Variants in BMPR1A observed in about 807,000 individuals in gnomAD.
BMPR1A encodes the protein bone morphogenetic protein receptor type 1A, also known as bone morphogenetic protein receptor type-1A.
A neutral mutation model predicts 66.0 loss-of-function variants in BMPR1A; 7 were observed. The observed-to-expected ratio is 0.11, with a 90% CI of 0.06 to 0.20. BMPR1A has a LOEUF of 0.20. Among genes scored for constraint, BMPR1A ranks in the 10% least tolerant of loss-of-function variants. The pLI is 1.00. For synonymous variants in BMPR1A, 200 were observed against 229.7 expected (o/e 0.87, Z 1.17); for missense variants, 408 against 669.1 (o/e 0.61, Z 4.31).
At position 86,918,530 on chromosome 10, in the gene BMPR1A, T is replaced by C. The variant is rs138880470; in HGVS notation, c.869-642T>C. On this transcript the variant is annotated intron_variant, in intron 9 of 12. Transcript: ENST00000372037. ...AAAGTGTCCACTTTTTGCTTTGAAA[T>C]TGAGAGCCTTTTCTACTAGAGAATC... Among the ~76,000 whole-genome samples the C allele has an allele frequency of 3.1e-3, 471 of 152,366 alleles. 4 individuals carry two copies. The highest frequency in any genetic ancestry group is 0.011 in the African/African-American group (437 of 41,586).
At chr10:86,824,552 G>A (rs529496304) in intron 1 of BMPR1A, among the ~76,000 whole-genome samples, 72 of 152,258 alleles carry the variant, frequency 4.7e-4, no homozygotes, top group African/African-American at 1.6e-3. Context: ...TGGCCTTTTG[G>A]AGGAAATATT....
intron 1 of BMPR1A, among the ~76,000 whole-genome samples, chr10:86,771,609 T>G (rs1841262982): frequency 1.3e-5 from 2 of 152,192 alleles, no homozygotes. Context: ...CTTAACCACA[T>G]AATTATATTG....
At chr10:86,888,111 G>A (rs923514493) in intron 3 of BMPR1A, among the ~76,000 whole-genome samples, 14 of 151,872 alleles carry the variant, frequency 9.2e-5, no homozygotes, top group Non-Finnish European at 2.1e-4. Context: ...TGGGGGGCGC[G>A]GGGATGAGTA....
At chr10:86,864,024 T>C (rs1333334104) in intron 2 of BMPR1A, among the ~76,000 whole-genome samples, 1 of 152,222 alleles carries the variant, frequency 6.6e-6, no homozygotes, top group African/African-American at 2.4e-5. Flanking sequence ...TCTTAGAGAT[T>C]TAATAGTGTT....
intron 1 of BMPR1A, among the ~76,000 whole-genome samples, chr10:86,798,018 T>A (rs1452488759): frequency 2.6e-5 from 4 of 152,196 alleles, no homozygotes. Flanking sequence ...TGTTCAAAAC[T>A]TTGTCTATTT....
At chr10:86,775,351 A>G (rs1359110834) in intron 1 of BMPR1A, among the ~76,000 whole-genome samples, 2 of 152,158 alleles carry the variant, frequency 1.3e-5, no homozygotes, top group African/African-American at 2.4e-5. Context: ...CTTGTCCCAG[A>G]CATGCTTTGA....
At chr10:86,767,225 G>A (rs966653529) in intron 1 of BMPR1A, among the ~76,000 whole-genome samples, 1 of 152,112 alleles carries the variant, frequency 6.6e-6, no homozygotes, top group African/African-American at 2.4e-5. Flanking sequence ...AAAATTTTAA[G>A]TTTCATTTGT....
rs1060504910 is a variant in BMPR1A at position 86,917,202 on chromosome 10, A to G, written c.744A>G (p.Val248=). ...TTGGTAAAGGCCGATATGGAGAAGT[A>G]TGGATGGGCAAATGGCGTGGCGAAA... ...RQVGKGRYGE[V]WMGKWRGEKV... The change falls in exon 9 of 13, where the codon GTA becomes GTG. Residue 248 remains valine, a synonymous_variant. Transcript: ENST00000372037. The G allele has an allele frequency of 1.2e-6, 2 of 1,614,130 alleles. No individual in the cohort carries two copies. Among genetic ancestry groups the G allele is most frequent in the Non-Finnish European group, 1.7e-6 (2 of 1,179,990 alleles).
intron 1 of BMPR1A, among the ~76,000 whole-genome samples, chr10:86,811,897 TAGTG>T (rs1197170404): frequency 7.2e-5 from 11 of 152,072 alleles, no homozygotes; most frequent in African/African-American, 9.6e-5. Flanking sequence ...CTGGTCAACA[TAGTG>T]AGACATCATT....
At chr10:86,837,247 C>CTGTGTCTGTGTGTGTCTGTGTG (rs1554883382) in intron 1 of BMPR1A, among the ~76,000 whole-genome samples, 2 of 138,106 alleles carry the variant, frequency 1.4e-5, no homozygotes, top group African/African-American at 5.5e-5. Context: ...GTGTGTGTGT[C>CTGTGTCTGTGTGTGTCTGTGTG]TGTGTGTGTG....
rs1169261382 is a variant in BMPR1A at position 86,924,538 on chromosome 10, G to A, written c.*819G>A. On this transcript the variant is annotated 3_prime_UTR_variant, in exon 13 of 13. Coordinates refer to ENST00000372037, the MANE Select transcript of BMPR1A (RefSeq NM_004329.3). ...CATTTTTTTTGTGGTTATTATTTTT[G>A]TCACGGAAAGCATCCTCTCCAAAGT... is the stretch of plus-strand genomic sequence containing the variant. 1 of 233,426 alleles carries A rather than the reference G, an allele frequency of 4.3e-6. No individual in the cohort carries two copies. Among genetic ancestry groups the A allele is most frequent in the Non-Finnish European group, 8.5e-6 (1 of 118,064 alleles). 14.5% of individuals were successfully genotyped at this position (233,426 alleles called of 1,614,324 possible).
intron 1 of BMPR1A, among the ~76,000 whole-genome samples, chr10:86,791,651 C>T (rs979234428): frequency 7.0e-6 from 1 of 142,864 alleles, no homozygotes; most frequent in African/African-American, 2.5e-5. Context: ...AAGAGACGTA[C>T]ATTTCCAGTA....
intron 1 of BMPR1A, among the ~76,000 whole-genome samples, chr10:86,810,981 A>G (rs1391791036): frequency 6.6e-6 from 1 of 152,174 alleles, no homozygotes; most frequent in Admixed American, 6.5e-5. Context: ...TCCTGATCTC[A>G]GGTGATCCAC....
At chr10:86,771,192 TGGA>T (rs1193526939) in intron 1 of BMPR1A, among the ~76,000 whole-genome samples, 1 of 152,252 alleles carries the variant, frequency 6.6e-6, no homozygotes, top group Non-Finnish European at 1.5e-5. Context: ...ATGGAATTGT[TGGA>T]GTTTATCAAA....
chr10:86,818,543 G>C (rs1373183725), intron 1 of BMPR1A, among the ~76,000 whole-genome samples: 1 of 152,186 alleles, frequency 6.6e-6, no homozygotes, highest in Non-Finnish European at 1.5e-5. Context: ...TGAATGGAAA[G>C]AAACGTTAAC....
chr10:86,770,485 C>G (rs956154882), intron 1 of BMPR1A, among the ~76,000 whole-genome samples: 2 of 152,178 alleles, frequency 1.3e-5, no homozygotes, highest in Non-Finnish European at 2.9e-5. Context: ...CTCTAGTCTC[C>G]TTTGTCATGA....
chr10:86,931,837 T>G (rs1843813669), downstream of BMPR1A: 1 of 152,178 alleles, frequency 6.6e-6, no homozygotes, highest in Non-Finnish European at 1.5e-5. Flanking sequence ...TTCTTCCCTT[T>G]TTTCTTTCTT....
intron 2 of BMPR1A, among the ~76,000 whole-genome samples, chr10:86,873,039 C>T (rs1478396440): frequency 6.6e-6 from 1 of 152,178 alleles, no homozygotes; most frequent in African/African-American, 2.4e-5. Context: ...AACTCACACA[C>T]AGTCCTTTCC....
chr10:86,791,298 C>T (rs972726833), intron 1 of BMPR1A, among the ~76,000 whole-genome samples: 4 of 151,222 alleles, frequency 2.6e-5, no homozygotes, highest in African/African-American at 4.9e-5. Context: ...CTGCAAGCTC[C>T]GCCTCCTGGG....
Sources: gnomAD v4.1 joint callset for allele counts (sites outside exome capture counted in the v4.1 genomes callset) on GRCh38, gnomAD v4.1.1 for gene constraint, MANE v1.5 for transcripts, NCBI Gene and HGNC (gene_info 2026-07-23, HGNC 2026-07-21) for gene names.